The following NSUN2 variants were observed in gnomAD, a reference collection of about 807,000 sequenced individuals.
The protein encoded by NSUN2 is RNA cytosine C(5)-methyltransferase NSUN2.
NSUN2 carries 63 observed loss-of-function variants against 92.7 expected under a neutral mutation model. The observed-to-expected ratio is 0.68, with a 90% CI of 0.56 to 0.84. The LOEUF (loss-of-function observed/expected upper bound fraction) is 0.84, where lower values mean the gene tolerates loss of function less well. Ranked by LOEUF, NSUN2 falls within the 40% of genes least tolerant of loss-of-function variation. NSUN2 has a pLI of 0.00. For synonymous variants in NSUN2, 356 were observed against 348.3 expected, an observed-to-expected ratio of 1.02 and a Z score of -0.25; for missense variants, 989 against 964.9, an observed-to-expected ratio of 1.02 and a Z score of -0.33.
At chr5:6,624,191 G>C (rs1737564635) in intron 4 of NSUN2, among the ~76,000 whole-genome samples, 1 of 152,200 alleles carries the variant, frequency 6.6e-6, no homozygotes, top group Non-Finnish European at 1.5e-5. Flanking sequence ...CTGATTCCAA[G>C]CTTTTGAGTT....
At chr5:6,604,309 C>T (rs1029406934) in intron 16 of NSUN2, 33 bp from the exon 17 acceptor site, 2 of 1,566,042 alleles carry the variant, frequency 1.3e-6, no homozygotes, top group East Asian at 2.2e-5. Flanking sequence ...AGAACAGATA[C>T]CATGATGTCA....
intron 11 of NSUN2, 141 bp from the exon 12 acceptor site, chr5:6,610,063 A>G (rs62332890): frequency 4.1e-5 from 22 of 533,146 alleles, no homozygotes; most frequent in Admixed American, 1.2e-4. Context: ...ATGTAAACTT[A>G]AATTTTTTTT....
intron 7 of NSUN2, among the ~76,000 whole-genome samples, chr5:6,618,280 G>A (rs558976030): frequency 6.0e-4 from 92 of 152,298 alleles, no homozygotes; most frequent in Admixed American, 2.2e-3. Context: ...TCACTAAGGA[G>A]ATATTAATGT....
chr5:6,604,030 A>C, intron 17 of NSUN2, 108 bp downstream of exon 17: 2 of 991,754 alleles, frequency 2.0e-6, no homozygotes, highest in Non-Finnish European at 3.0e-6. Flanking sequence ...GCCATAAATA[A>C]ACTGAAAACT....
At chr5:6,628,251 G>A (rs1051168010) in intron 3 of NSUN2, among the ~76,000 whole-genome samples, 1 of 152,194 alleles carries the variant, frequency 6.6e-6, no homozygotes, top group African/African-American at 2.4e-5. Context: ...GGGACGCTGA[G>A]GTGGGAGGAT....
chr5:6,604,808 C>T (rs1736695710), intron 15 of NSUN2, 123 bp from the exon 16 acceptor site: 3 of 753,904 alleles, frequency 4.0e-6, no homozygotes, highest in Non-Finnish European at 6.7e-6. Flanking sequence ...CAGAAACCCA[C>T]CGAGAAACCC....
At chr5:6,625,518 A>G in intron 4 of NSUN2, 46 bp downstream of exon 4, 6 of 1,418,968 alleles carry the variant, frequency 4.2e-6, no homozygotes, top group Non-Finnish European at 5.0e-6. Flanking sequence ...ACATCTATGC[A>G]TTTACAGCTT....
chr5:6,619,472 G>A (rs1737347289), intron 7 of NSUN2, among the ~76,000 whole-genome samples: 1 of 151,948 alleles, frequency 6.6e-6, no homozygotes, highest in East Asian at 1.9e-4. Flanking sequence ...CACCTCCTAT[G>A]GGAACGGAAC....
Position 6,631,954 on chromosome 5 carries a change from CA to C in NSUN2, c.277del (p.Cys93AlafsTer2). 6.2e-7 allele frequency: 1 copy of C among 1,613,484 alleles called. No individual in the cohort carries two copies. Among genetic ancestry groups the C allele is most frequent in the East Asian group, 2.2e-5 (1 of 44,884 alleles). On this transcript the variant is annotated frameshift_variant, in exon 3 of 19. Transcript: ENST00000264670. LOFTEE classifies it high-confidence loss of function. ...YKSHAKEILHCLKNKYFKELE... is the reference protein window; with the variant it reads ...YKSHAKEILHXLKNKYFKELE... The stretch of plus-strand genomic sequence containing the variant: ...TTCCTTAAAATATTTGTTCTTTAAG[CA>C]ATGGAGAATCTCTTTTGCGTGGCTA...
chr5:6,601,754 A>C (rs926130739), intron 18 of NSUN2, among the ~76,000 whole-genome samples: 58 of 150,392 alleles, frequency 3.9e-4, no homozygotes, highest in African/African-American at 1.4e-3. Flanking sequence ...CTACCTATTC[A>C]CTCCCCCAAA....
chr5:6,622,701 G>A (rs964963722), intron 5 of NSUN2, among the ~76,000 whole-genome samples: 5 of 152,104 alleles, frequency 3.3e-5, no homozygotes, highest in Admixed American at 2.6e-4. Context: ...TACAAAATTA[G>A]CAGGGTGTGG....
chr5:6,614,021 G>A (rs532477479), intron 9 of NSUN2, among the ~76,000 whole-genome samples: 16 of 147,716 alleles, frequency 1.1e-4, no homozygotes, highest in African/African-American at 3.5e-4. Flanking sequence ...CACTTAACCC[G>A]GGAGATGGAG....
chr5:6,610,466 A>G (rs1560975414), intron 11 of NSUN2, among the ~76,000 whole-genome samples: 2 of 152,048 alleles, frequency 1.3e-5, no homozygotes, highest in Non-Finnish European at 2.9e-5. Flanking sequence ...AGGTGGGCAG[A>G]TAACCTGAGG....
intron 14 of NSUN2, 89 bp downstream of exon 14, chr5:6,606,731 C>G: frequency 3.0e-6 from 2 of 658,812 alleles, no homozygotes; most frequent in Non-Finnish European, 5.1e-6. Context: ...GAACTACATA[C>G]AAAACAATGG....
In NSUN2 at chr5:6,607,324, C is replaced by T; in HGVS notation, c.1384G>A (p.Glu462Lys). The part of the protein sequence containing the change: ...STQLSPADLT[E>K]GKPTDPSKLE... ...TTAGAGGGATCTGTGGGTTTCCCTT[C>T]TGTGAGATCTGCAGGGCTCAGCTGT... The change falls in exon 13 of 19, where the codon GAA becomes AAA. Residue 462 changes from glutamate to lysine, a missense_variant. By Grantham distance (56) the Glu-to-Lys change is moderately conservative (BLOSUM62 1). Around this residue, in one of 3 missense-constraint regions of NSUN2, gnomAD observed 626 missense variants for 602.3 expected, o/e 1.04. Coordinates refer to ENST00000264670, the MANE Select transcript of NSUN2 (RefSeq NM_017755.6). 6.2e-7 allele frequency: 1 copy of T among 1,614,168 alleles called. No individual in the cohort carries two copies. Among genetic ancestry groups the T allele is most frequent in the Non-Finnish European group, 8.5e-7 (1 of 1,180,014 alleles).
At chr5:6,600,814 G>C (rs960268061) in intron 18 of NSUN2, among the ~76,000 whole-genome samples, 1 of 152,178 alleles carries the variant, frequency 6.6e-6, no homozygotes, top group Non-Finnish European at 1.5e-5. Context: ...GGCAGTCTGA[G>C]CCCTGCTGGG....
intron 12 of NSUN2, among the ~76,000 whole-genome samples, chr5:6,607,935 T>C (rs17175978): frequency 0.037 from 5,680 of 152,290 alleles, 132 homozygotes; most frequent in Non-Finnish European, 0.055. Flanking sequence ...AAATTTGGCT[T>C]TGGGAATGAG....
At chr5:6,606,508 A>G (rs935700206) in intron 14 of NSUN2, among the ~76,000 whole-genome samples, 6 of 152,014 alleles carry the variant, frequency 3.9e-5, no homozygotes, top group African/African-American at 1.4e-4. Flanking sequence ...GATGGTCTCA[A>G]TCTCCTGACC....
chr5:6,609,593 G>T lies in NSUN2; in HGVS notation c.1323+233C>A, dbSNP rs548594113. ...AAATAACTGGATTTACAGTGTGGCA[G>T]GAATACATTCCCCCAAACACTGACT... On this transcript the variant is annotated intron_variant, in intron 12 of 18. Coordinates refer to ENST00000264670, the MANE Select transcript of NSUN2 (RefSeq NM_017755.6). Among the ~76,000 whole-genome samples, 10 of 152,272 alleles carry T rather than the reference G, an allele frequency of 6.6e-5. No individual in the cohort carries two copies. The Middle Eastern group carries it at 0.014, about 207-fold the overall frequency.
Sources: gnomAD v4.1 joint callset for allele counts (sites outside exome capture counted in the v4.1 genomes callset) on GRCh38, gnomAD v4.1.1 for gene constraint, gnomAD v4.1.1 regional missense constraint, MANE v1.5 for transcripts, NCBI Gene and HGNC (gene_info 2026-07-23, HGNC 2026-07-21) for gene names.